MALRD1: variants seen among roughly 807,000 people sequenced by gnomAD.
MALRD1 encodes MAM and LDL-receptor class A domain-containing protein 1.
A neutral mutation model predicts 242.1 loss-of-function variants in MALRD1; 247 were observed. That is an observed-to-expected ratio of 1.02 (90% CI 0.92 to 1.13). MALRD1 has a LOEUF of 1.13. Ranked by LOEUF, MALRD1 falls within the 50% of genes most tolerant of loss-of-function variation. MALRD1 has a pLI of 0.00. For missense variants in MALRD1, 2,989 were observed against 2,533.1 expected (o/e 1.18, Z -3.86); for synonymous variants, 995 against 866.6 (o/e 1.15, Z -2.60).
chr10:19,120,339 A>T (rs534807668), intron 5 of MALRD1, among the ~76,000 whole-genome samples: 7 of 152,188 alleles, frequency 4.6e-5, no homozygotes, highest in African/African-American at 7.2e-5. Flanking sequence ...TATTACTGAT[A>T]TGTCAAATAT....
intron 19 of MALRD1, 121 bp downstream of exon 19, chr10:19,257,892 T>A: frequency 1.6e-6 from 1 of 619,808 alleles, no homozygotes; most frequent in Non-Finnish European, 2.6e-6. Context: ...ATTCTTTTTC[T>A]CAAAACTATT....
chr10:19,204,887 C>CTCTTT lies in MALRD1; in HGVS notation c.2211-9_2211-5dup. The CTCTTT allele has an allele frequency of 6.5e-7, 1 of 1,527,008 alleles. No individual in the cohort carries two copies. The highest frequency in any genetic ancestry group is 1.2e-5 in the South Asian group (1 of 81,402). 94.6% of individuals were successfully genotyped at this position (1,527,008 alleles called of 1,614,324 possible). On this transcript the variant is annotated splice_polypyrimidine_tract_variant and intron_variant, in intron 16 of 39. Transcript: ENST00000454679. ...AAATCACTTCCATTTCTTACGTTTA[C>CTCTTT]TCTTTTTTAGGTTCTATAACTATGG...
chr10:19,568,389 C>G (rs1267702390), intron 33 of MALRD1, among the ~76,000 whole-genome samples: 1 of 151,572 alleles, frequency 6.6e-6, no homozygotes, highest in African/African-American at 2.4e-5. Context: ...AACACTCCTA[C>G]TCAAAGTTTC....
intron 32 of MALRD1, among the ~76,000 whole-genome samples, chr10:19,549,671 A>G (rs921600058): frequency 6.6e-6 from 1 of 152,240 alleles, no homozygotes; most frequent in African/African-American, 2.4e-5. Flanking sequence ...TGGGAAACCG[A>G]AAGATTTTTA....
At chr10:19,291,054 A>C (rs1353614411) in intron 21 of MALRD1, among the ~76,000 whole-genome samples, 1 of 152,108 alleles carries the variant, frequency 6.6e-6, no homozygotes, top group East Asian at 1.9e-4. Flanking sequence ...ATTCATTTTT[A>C]TTGCTGGAAT....
chr10:19,134,947 TG>T lies in MALRD1; in HGVS notation c.1203+1000del, dbSNP rs76835421. Reference sequence around the variant, plus strand: ...TATCATTTCTGCATTTCTGATCTCTTGCTGCTATGAAAATATACAGCTATAC... The same window carrying T: ...TATCATTTCTGCATTTCTGATCTCTTCTGCTATGAAAATATACAGCTATAC... On this transcript the variant is annotated intron_variant, in intron 9 of 39. Coordinates refer to ENST00000454679, the MANE Select transcript of MALRD1 (RefSeq NM_001142308.3). Among the ~76,000 whole-genome samples the T allele has an allele frequency of 0.015, 2,300 of 152,260 alleles. 109 individuals carry two copies. In the East Asian group the frequency reaches 0.19, roughly 13 times the overall value.
chr10:19,723,592 A>T (rs1834874333), intron 38 of MALRD1, among the ~76,000 whole-genome samples: 1 of 152,110 alleles, frequency 6.6e-6, no homozygotes, highest in African/African-American at 2.4e-5. Context: ...AATTAAAAAA[A>T]TTAGCCGGGT....
intron 19 of MALRD1, among the ~76,000 whole-genome samples, chr10:19,268,855 T>G (rs2496047): frequency 1.3e-5 from 2 of 152,118 alleles, no homozygotes; most frequent in African/African-American, 2.4e-5. Context: ...ACTTACAGAG[T>G]GAGGAGTTAG....
intron 5 of MALRD1, among the ~76,000 whole-genome samples, chr10:19,122,381 G>A (rs991507864): frequency 6.6e-6 from 1 of 152,098 alleles, no homozygotes; most frequent in Admixed American, 6.5e-5. Flanking sequence ...TGGTGGCAAA[G>A]GTTGTTTTTC....
At chr10:19,457,873 T>A (rs1214157302) in intron 29 of MALRD1, among the ~76,000 whole-genome samples, 1 of 152,010 alleles carries the variant, frequency 6.6e-6, no homozygotes, top group Non-Finnish European at 1.5e-5. Context: ...TGTTTTAAAA[T>A]TTTTTAATAT....
At chr10:19,634,999 C>A (rs1589338675) in intron 36 of MALRD1, among the ~76,000 whole-genome samples, 1 of 152,134 alleles carries the variant, frequency 6.6e-6, no homozygotes. Context: ...TGATCTGTAG[C>A]TTTTCCAGAA....
intron 33 of MALRD1, among the ~76,000 whole-genome samples, chr10:19,573,132 C>T (rs1229429037): frequency 1.3e-5 from 2 of 152,136 alleles, no homozygotes; most frequent in African/African-American, 4.8e-5. Flanking sequence ...GGAAGGGACC[C>T]CACTGAGCCA....
intron 36 of MALRD1, among the ~76,000 whole-genome samples, chr10:19,670,005 T>G (rs1178375261): frequency 6.6e-6 from 1 of 152,058 alleles, no homozygotes; most frequent in Non-Finnish European, 1.5e-5. Flanking sequence ...GCAACTTGAA[T>G]TTTTGAACAA....
chr10:19,108,387 CTTTTTTTTTTTTTTTTTTTTTTTT>C lies in MALRD1; in HGVS notation c.694+4327_694+4350del, dbSNP rs35948766. On this transcript the variant is annotated intron_variant, in intron 5 of 39. Coordinates refer to ENST00000454679, the MANE Select transcript of MALRD1 (RefSeq NM_001142308.3). Reference sequence around the variant, plus strand: ...TTATTGAGCTCATGAATTGTTTTTTCTTTTTTTTTTTTTTTTTTTTTTTTTTTTTTTTTTTTTTAAGACGGAGTC... The same window carrying C: ...TTATTGAGCTCATGAATTGTTTTTTCTTTTTTTTTTTTTTAAGACGGAGTC... Among the ~76,000 whole-genome samples, 3 of 19,764 alleles carry C rather than the reference CTTTTTTTTTTTTTTTTTTTTTTTT, an allele frequency of 1.5e-4. 1 individual carries two copies. Among genetic ancestry groups the C allele is most frequent in the Non-Finnish European group, 2.4e-4 (3 of 12,506 alleles). 13.0% of individuals were successfully genotyped at this position (19,764 alleles called of 152,430 possible).
At chr10:19,604,805 G>A (rs922298866) in intron 34 of MALRD1, among the ~76,000 whole-genome samples, 7 of 152,138 alleles carry the variant, frequency 4.6e-5, no homozygotes, top group Admixed American at 4.6e-4. Context: ...CTAAGGTATA[G>A]TGCAGACATA....
chr10:19,096,371 C>T (rs1340810484), intron 4 of MALRD1, among the ~76,000 whole-genome samples: 3 of 152,124 alleles, frequency 2.0e-5, no homozygotes, highest in East Asian at 1.9e-4. Flanking sequence ...TCAACTAAAG[C>T]AGATACGTGT....
intron 29 of MALRD1, among the ~76,000 whole-genome samples, chr10:19,481,192 C>A (rs1589139280): frequency 6.6e-6 from 1 of 152,090 alleles, no homozygotes; most frequent in East Asian, 1.9e-4. Flanking sequence ...TAAACTGTTT[C>A]TGTGCACTAA....
intron 36 of MALRD1, among the ~76,000 whole-genome samples, chr10:19,675,498 G>A (rs1222993557): frequency 6.6e-6 from 1 of 152,178 alleles, no homozygotes; most frequent in Non-Finnish European, 1.5e-5. Flanking sequence ...AGCATTACTT[G>A]AGAGTGTTAG....
rs188225592 is a variant in MALRD1 at position 19,496,415 on chromosome 10, A to C, written c.5159-2070A>C. ...TATACCAAGAAGATCTCTCAAAACA[A>C]CACATTTACACAGAAATTAAACAGC... is the stretch of plus-strand genomic sequence containing the variant. On this transcript the variant is annotated intron_variant, in intron 30 of 39. Coordinates refer to ENST00000454679, the MANE Select transcript of MALRD1 (RefSeq NM_001142308.3). 2.4e-3 allele frequency among the ~76,000 whole-genome samples: 367 copies of C among 152,322 alleles called. 3 individuals carry two copies. The highest frequency in any genetic ancestry group is 0.022 in the Admixed American group (329 of 15,300).
Sources: gnomAD v4.1 joint callset for allele counts (sites outside exome capture counted in the v4.1 genomes callset) on GRCh38, gnomAD v4.1.1 for gene constraint, MANE v1.5 for transcripts, NCBI Gene and HGNC (gene_info 2026-07-23, HGNC 2026-07-21) for gene names.